MAP1LC3A: variants seen among roughly 807,000 people sequenced by gnomAD.
MAP1LC3A encodes microtubule associated protein 1 light chain 3 alpha.
In MAP1LC3A, 10 loss-of-function variants were observed where a neutral mutation model predicts 15.2. The observed-to-expected ratio is 0.66, with a 90% CI of 0.41 to 1.12. The LOEUF is 1.12. MAP1LC3A is among the 50% of genes most tolerant of loss of function. MAP1LC3A has a pLI of 0.00. For synonymous variants in MAP1LC3A, 63 were observed against 64.3 expected, an observed-to-expected ratio of 0.98 and a Z score of 0.10; for missense variants, 138 against 167.3, an observed-to-expected ratio of 0.82 and a Z score of 0.97.
At position 34,558,962 on chromosome 20, in the gene MAP1LC3A, C is replaced by A. The variant is rs1982285817; in HGVS notation, c.40+54C>A. ...CTGGGGCAGGGGTGCCGGCCGACCC[C>A]GACTGCCGCAGGTGACGTCAGCCCC... On this transcript the variant is annotated intron_variant, in intron 1 of 3. Coordinates refer to ENST00000360668, the MANE Select transcript of MAP1LC3A (RefSeq NM_032514.4). This position sits in a 1 kb window ranked among gnomAD's most constrained non-coding sequence, Gnocchi z 4.3. 4 of 1,346,954 alleles carry A rather than the reference C, an allele frequency of 3.0e-6. No individual in the cohort carries two copies. The highest frequency in any genetic ancestry group is 3.6e-5 in the South Asian group (2 of 55,382). The allele number at this position is 1,346,954 out of a possible 1,614,324, so 83.4% of individuals were successfully genotyped here. A position where few individuals can be genotyped will look rare whatever the true frequency, so the allele number is the denominator to read the frequency against.
chr20:34,559,319 A>C, intron 2 of MAP1LC3A, 28 bp from the exon 3 acceptor site: 1 of 1,434,010 alleles, frequency 7.0e-7, no homozygotes, highest in Non-Finnish European at 9.6e-7. Context: ...TCCCGACACG[A>C]CCCCCTGCCC....
At chr20:34,547,309 G>A (rs937218811) in intron 1 of MAP1LC3A, among the ~76,000 whole-genome samples, 2 of 151,936 alleles carry the variant, frequency 1.3e-5, no homozygotes, top group Non-Finnish European at 2.9e-5. Flanking sequence ...AAGTAATTAT[G>A]ATGGCTGTGG....
chr20:34,548,344 C>T (rs73259129), intron 1 of MAP1LC3A, among the ~76,000 whole-genome samples: 1 of 152,306 alleles, frequency 6.6e-6, no homozygotes, highest in African/African-American at 2.4e-5. Context: ...TGGCTGGAGG[C>T]TGCGAAGGCC....
Position 34,551,110 on chromosome 20 carries a change from G to C in MAP1LC3A, c.52+1081G>C, listed in dbSNP as rs115449203. Among the ~76,000 whole-genome samples, 1,221 of 152,054 alleles carry C rather than the reference G, an allele frequency of 8.0e-3. 18 individuals carry two copies. The highest frequency in any genetic ancestry group is 0.028 in the African/African-American group (1,171 of 41,434). On this transcript the variant is annotated intron_variant, in intron 2 of 4. Transcript: ENST00000374837. ...AAAATACAAAAAAAAAAATTAGCCA[G>C]GCCTGGTGGCATGCTCCCGTAATCC...
chr20:34,559,915 C>G lies in MAP1LC3A; in HGVS notation c.*17C>G, dbSNP rs1467185398. 1.1e-5 allele frequency: 18 copies of G among 1,604,238 alleles called. No individual in the cohort carries two copies. Among genetic ancestry groups the G allele is most frequent in the Non-Finnish European group, 1.5e-5 (18 of 1,175,728 alleles). On this transcript the variant is annotated 3_prime_UTR_variant, in exon 4 of 4. Transcript: ENST00000360668. Reference sequence around the variant, plus strand: ...GGCTTCTGAGCCAGCAGTAGGGGGGCTCGGCCTGGGAGTCGGGCGGCCCCG... The same window carrying G: ...GGCTTCTGAGCCAGCAGTAGGGGGGGTCGGCCTGGGAGTCGGGCGGCCCCG...
Position 34,559,943 on chromosome 20 carries a change from C to A in MAP1LC3A, c.*45C>A. On this transcript the variant is annotated 3_prime_UTR_variant, in exon 4 of 4. Coordinates refer to ENST00000360668, the MANE Select transcript of MAP1LC3A (RefSeq NM_032514.4). ...GGCCTGGGAGTCGGGCGGCCCCGGT[C>A]AGGCCCTGCCCAGAGAGCTCCTGGT... 1 of 1,575,580 alleles carries A rather than the reference C, an allele frequency of 6.3e-7. No homozygotes were observed. The highest frequency in any genetic ancestry group is 1.2e-5 in the South Asian group (1 of 84,408).
At chr20:34,559,540 G>A in intron 3 of MAP1LC3A, 87 bp downstream of exon 3, 2 of 1,353,368 alleles carry the variant, frequency 1.5e-6, no homozygotes, top group Non-Finnish European at 2.1e-6. Flanking sequence ...GGGGTCAGGG[G>A]TGATGGGACC....
chr20:34,552,770 G>A (rs1981994640), intron 2 of MAP1LC3A, among the ~76,000 whole-genome samples: 1 of 152,266 alleles, frequency 6.6e-6, no homozygotes, highest in African/African-American at 2.4e-5. Flanking sequence ...GGCAGTGGCG[G>A]CCGTGGTGTG....
At chr20:34,552,957 G>A (rs1163363601) in intron 2 of MAP1LC3A, among the ~76,000 whole-genome samples, 2 of 152,220 alleles carry the variant, frequency 1.3e-5, no homozygotes, top group Admixed American at 6.5e-5. Context: ...GGAAGCCCAA[G>A]GCAGGTGGAT....
At chr20:34,548,339 G>A (rs1981816087) in intron 1 of MAP1LC3A, among the ~76,000 whole-genome samples, 1 of 152,216 alleles carries the variant, frequency 6.6e-6, no homozygotes, top group Non-Finnish European at 1.5e-5. Context: ...ATGAGTGGCT[G>A]GAGGCTGCGA....
At chr20:34,556,380 G>GAAAATA (rs1982159138), upstream of MAP1LC3A, among the ~76,000 whole-genome samples, 1 of 152,002 alleles carries the variant, frequency 6.6e-6, no homozygotes, top group Non-Finnish European at 1.5e-5. Context: ...ATAATGTGTT[G>GAAAATA]GTCTCACACA....
chr20:34,546,848 G>A (rs1981752237), upstream of MAP1LC3A: 1 of 152,232 alleles, frequency 6.6e-6, no homozygotes, highest in Non-Finnish European at 1.5e-5. Context: ...CTAATTAACT[G>A]AAGTTCAGCC....
chr20:34,559,929 C>CGGG lies in MAP1LC3A; in HGVS notation c.*32_*34dup, dbSNP rs765284583. On this transcript the variant is annotated 3_prime_UTR_variant, in exon 4 of 4. Coordinates refer to ENST00000360668, the MANE Select transcript of MAP1LC3A (RefSeq NM_032514.4). ...CAGTAGGGGGGCTCGGCCTGGGAGTCGGGCGGCCCCGGTCAGGCCCTGCCC... is the reference window on the plus strand; with the variant it reads ...CAGTAGGGGGGCTCGGCCTGGGAGTCGGGGGGCGGCCCCGGTCAGGCCCTGCCC... The CGGG allele has an allele frequency of 1.9e-6, 3 of 1,591,366 alleles. No individual in the cohort carries two copies. Among genetic ancestry groups the CGGG allele is most frequent in the East Asian group, 2.2e-5 (1 of 44,790 alleles).
chr20:34,547,939 G>A (rs1329960023), intron 1 of MAP1LC3A, among the ~76,000 whole-genome samples: 2 of 152,166 alleles, frequency 1.3e-5, no homozygotes, highest in South Asian at 2.1e-4. Context: ...AGATAGGCGG[G>A]GGTCAGTGTG....
At chr20:34,558,641 C>T (rs1420290272), upstream of MAP1LC3A, 18 of 1,228,156 alleles carry the variant, frequency 1.5e-5, no homozygotes, top group East Asian at 1.7e-4. This position sits in a 1 kb window ranked among gnomAD's most constrained non-coding sequence, Gnocchi z 4.3. Flanking sequence ...CGGGTCCGGG[C>T]GGGCGGGTTG....
At chr20:34,548,062 G>A (rs2146667742) in intron 1 of MAP1LC3A, among the ~76,000 whole-genome samples, 1 of 152,282 alleles carries the variant, frequency 6.6e-6, no homozygotes, top group Non-Finnish European at 1.5e-5. Context: ...ACACAGATGG[G>A]CTTGAGAGGA....
At chr20:34,554,983 C>T (rs1982097572), upstream of MAP1LC3A, among the ~76,000 whole-genome samples, 1 of 151,520 alleles carries the variant, frequency 6.6e-6, no homozygotes, top group African/African-American at 2.4e-5. Context: ...GCTGTGATTA[C>T]AGGTGTGGGC....
intron 1 of MAP1LC3A, among the ~76,000 whole-genome samples, chr20:34,548,196 G>T (rs1981811073): frequency 6.6e-6 from 1 of 152,220 alleles, no homozygotes; most frequent in Non-Finnish European, 1.5e-5. Context: ...TCCTTTGGAC[G>T]TGTTGAGTTC....
rs780651766 is a variant in MAP1LC3A at position 34,558,951 on chromosome 20, C to T, written c.40+43C>T. The T allele has an allele frequency of 3.7e-6, 5 of 1,350,242 alleles. No individual in the cohort carries two copies. In the African/African-American group the frequency reaches 4.6e-5, roughly 12 times the overall value. The allele number at this position is 1,350,242 out of a possible 1,614,324, so 83.6% of individuals were successfully genotyped here. A position where few individuals can be genotyped will look rare whatever the true frequency, so the allele number is the denominator to read the frequency against. ...AGCTGCGAGCTCTGGGGCAGGGGTG[C>T]CGGCCGACCCCGACTGCCGCAGGTG... On this transcript the variant is annotated intron_variant, in intron 1 of 3. Transcript: ENST00000360668. This position sits in a 1 kb window ranked among gnomAD's most constrained non-coding sequence, Gnocchi z 4.3.
Sources: allele counts gnomAD v4.1 joint callset (sites outside exome capture counted in the v4.1 genomes callset), GRCh38; gene constraint gnomAD v4.1.1; non-coding constraint Gnocchi (gnomAD v3.1); transcripts MANE v1.5; gene names NCBI Gene and HGNC (gene_info 2026-07-23, HGNC 2026-07-21).